CYRIB: variants seen among roughly 807,000 people sequenced by gnomAD.
The protein encoded by CYRIB is CYFIP-related Rac1 interactor B.
Under a neutral mutation model 44.2 loss-of-function variants are expected in CYRIB, and 8 were observed. The observed-to-expected ratio is 0.18, with a 90% CI of 0.11 to 0.33. The LOEUF (loss-of-function observed/expected upper bound fraction) is 0.33, where lower values mean the gene tolerates loss of function less well. Among genes scored for constraint, CYRIB ranks in the 10% least tolerant of loss-of-function variants. The probability of loss-of-function intolerance (pLI) is 1.00; values close to 1 mark genes in which losing one functional copy is unlikely to be tolerated. For missense variants in CYRIB, 185 were observed against 382.8 expected (o/e 0.48, Z 4.31); for synonymous variants, 131 against 127.2 (o/e 1.03, Z -0.20).
chr8:130,000,744 C>T (rs2096889045), intron 1 of CYRIB, among the ~76,000 whole-genome samples: 1 of 151,872 alleles, frequency 6.6e-6, no homozygotes, highest in African/African-American at 2.4e-5. Context: ...CAGCCAGGCA[C>T]AGTGGAGAGA....
intron 2 of CYRIB, among the ~76,000 whole-genome samples, chr8:129,879,962 A>G (rs1054757773): frequency 3.3e-5 from 5 of 152,216 alleles, no homozygotes; most frequent in Admixed American, 1.3e-4. Context: ...AATAAAGCAT[A>G]TATTTCTAAC....
At chr8:129,842,453 T>G (rs1482668895) in intron 11 of CYRIB, among the ~76,000 whole-genome samples, 2 of 152,214 alleles carry the variant, frequency 1.3e-5, no homozygotes, top group African/African-American at 4.8e-5. Flanking sequence ...AATGATTGGT[T>G]GACCTCTCAA....
chr8:129,949,567 A>C (rs1002182660), intron 2 of CYRIB, among the ~76,000 whole-genome samples: 6 of 151,984 alleles, frequency 3.9e-5, no homozygotes, highest in Non-Finnish European at 8.8e-5. Context: ...ACCAAGCTCC[A>C]CCTGAAATAC....
At chr8:129,881,326 T>A (rs909303212) in intron 2 of CYRIB, among the ~76,000 whole-genome samples, 3 of 152,180 alleles carry the variant, frequency 2.0e-5, no homozygotes, top group Non-Finnish European at 4.4e-5. Flanking sequence ...ACTGCTGTAC[T>A]TTTCCTCCAA....
chr8:129,977,094 G>A (rs1350067657), intron 1 of CYRIB, among the ~76,000 whole-genome samples: 1 of 152,062 alleles, frequency 6.6e-6, no homozygotes, highest in East Asian at 1.9e-4. Flanking sequence ...CACCCACCTC[G>A]GCCTCCCAAA....
At chr8:129,861,870 G>T (rs755948606) in intron 5 of CYRIB, among the ~76,000 whole-genome samples, 34 of 152,120 alleles carry the variant, frequency 2.2e-4, no homozygotes, top group Non-Finnish European at 4.3e-4. Context: ...TCACTTGGTA[G>T]AATCTCTCTC....
At chr8:129,991,184 A>T (rs1364164109) in intron 1 of CYRIB, among the ~76,000 whole-genome samples, 1 of 151,948 alleles carries the variant, frequency 6.6e-6, no homozygotes, top group Non-Finnish European at 1.5e-5. Context: ...TTGAAATGAA[A>T]ACTCCAGGAG....
chr8:129,852,567 G>T (rs439184), intron 7 of CYRIB, among the ~76,000 whole-genome samples: 28,109 of 152,072 alleles, frequency 0.18, 2,772 homozygotes, highest in Non-Finnish European at 0.21. Context: ...TTATAAAATT[G>T]TACCGTCCTC....
At chr8:129,852,366 C>A in intron 7 of CYRIB, 88 bp from the exon 10 acceptor site, 1 of 673,004 alleles carries the variant, frequency 1.5e-6, no homozygotes, top group South Asian at 4.1e-5. Flanking sequence ...GGGTGCCTGC[C>A]TCAATTACAT....
At chr8:129,945,102 A>G (rs1170087234) in intron 2 of CYRIB, among the ~76,000 whole-genome samples, 1 of 151,744 alleles carries the variant, frequency 6.6e-6, no homozygotes, top group Non-Finnish European at 1.5e-5. Flanking sequence ...GGAAGCTGCA[A>G]CTCTCCTGGG....
chr8:129,864,749 C>T, intron 4 of CYRIB: 1 of 362,876 alleles, frequency 2.8e-6, no homozygotes, highest in Non-Finnish European at 5.3e-6. Flanking sequence ...TGCTCAAAGC[C>T]TTCGGTACAT....
At chr8:129,957,316 A>G (rs1242957518) in intron 2 of CYRIB, among the ~76,000 whole-genome samples, 1 of 152,186 alleles carries the variant, frequency 6.6e-6, no homozygotes, top group Non-Finnish European at 1.5e-5. Flanking sequence ...ATCTGGTTAG[A>G]AGAAGGCCAC....
chr8:130,004,313 C>G (rs2096981276), intron 1 of CYRIB, among the ~76,000 whole-genome samples: 2 of 152,086 alleles, frequency 1.3e-5, no homozygotes, highest in Admixed American at 1.3e-4. Context: ...CTATGTTGCC[C>G]AGGTTGGTCT....
At chr8:129,869,277 T>C (rs2055771484) in intron 4 of CYRIB, among the ~76,000 whole-genome samples, 1 of 149,292 alleles carries the variant, frequency 6.7e-6, no homozygotes, top group Admixed American at 6.8e-5. Context: ...TCCCAGCTAC[T>C]CGGGAGGCTG....
intron 1 of CYRIB, among the ~76,000 whole-genome samples, chr8:129,978,146 T>TG (rs941557099): frequency 6.6e-6 from 1 of 152,134 alleles, no homozygotes; most frequent in African/African-American, 2.4e-5. Flanking sequence ...CTTGCACTCC[T>TG]GGCCTTAACA....
At chr8:129,910,497 TTTTTTTTA>T (rs1434984048) in intron 1 of CYRIB, among the ~76,000 whole-genome samples, 20 of 142,150 alleles carry the variant, frequency 1.4e-4, no homozygotes, top group African/African-American at 5.3e-4. Flanking sequence ...TTTTTTTTTT[TTTTTTTTA>T]AAGAGACAAG....
chr8:129,867,729 C>CATA (rs1202356337), intron 4 of CYRIB, among the ~76,000 whole-genome samples: 1 of 152,168 alleles, frequency 6.6e-6, no homozygotes, highest in African/African-American at 2.4e-5. Flanking sequence ...ATTTTATCTT[C>CATA]ATAATAACGC....
Position 129,846,792 on chromosome 8 carries a change from A to C in CYRIB, c.911+12T>G, listed in dbSNP as rs2040290374. ...ATTTTTTCTGTACATACGTACACGT[A>C]CATATACACACCTGAGAGCATTTAG... On this transcript the variant is annotated intron_variant, in intron 11 of 11. Coordinates refer to ENST00000519824, the Ensembl canonical transcript of CYRIB. 2 of 1,578,980 alleles carry C rather than the reference A, an allele frequency of 1.3e-6. No homozygotes were observed. Among genetic ancestry groups the C allele is most frequent in the Non-Finnish European group, 8.6e-7 (1 of 1,166,322 alleles).
At chr8:129,908,530 T>C (rs996331410) in intron 1 of CYRIB, among the ~76,000 whole-genome samples, 1 of 152,170 alleles carries the variant, frequency 6.6e-6, no homozygotes, top group Non-Finnish European at 1.5e-5. Context: ...TTTTCCTTTG[T>C]AAAAGAGCAA....
Sources: allele counts gnomAD v4.1 joint callset (sites outside exome capture counted in the v4.1 genomes callset), GRCh38; gene constraint gnomAD v4.1.1; transcripts MANE v1.5; gene names NCBI Gene and HGNC (gene_info 2026-07-23, HGNC 2026-07-21).